Variants in PXDNL observed in about 807,000 individuals in gnomAD.
PXDNL encodes the protein probable oxidoreductase PXDNL.
A neutral mutation model predicts 150.8 loss-of-function variants in PXDNL; 145 were observed. The observed-to-expected ratio is 0.96, with a 90% CI of 0.84 to 1.10. The LOEUF is 1.10. Ranked by LOEUF, PXDNL falls within the 50% of genes least tolerant of loss-of-function variation. The pLI is 0.00. For synonymous variants in PXDNL, 757 were observed against 725.7 expected, an observed-to-expected ratio of 1.04 and a Z score of -0.69; for missense variants, 2,087 against 1,873.9, an observed-to-expected ratio of 1.11 and a Z score of -2.10.
intron 17 of PXDNL, among the ~76,000 whole-genome samples, chr8:51,405,242 G>A (rs1290378179): frequency 1.3e-5 from 2 of 152,238 alleles, no homozygotes; most frequent in Non-Finnish European, 2.9e-5. Context: ...CAACCGCGGG[G>A]TGAAGGGCTC....
chr8:51,388,265 T>G (rs1807785224), intron 17 of PXDNL, among the ~76,000 whole-genome samples: 1 of 152,212 alleles, frequency 6.6e-6, no homozygotes, highest in African/African-American at 2.4e-5. Context: ...TCAAGCTATC[T>G]TTATAAAAAC....
intron 7 of PXDNL, among the ~76,000 whole-genome samples, chr8:51,473,032 T>C (rs754938236): frequency 6.6e-6 from 1 of 152,324 alleles, no homozygotes; most frequent in East Asian, 1.9e-4. Flanking sequence ...ATGACTATTA[T>C]GTCTGTAGAA....
intron 8 of PXDNL, among the ~76,000 whole-genome samples, chr8:51,466,563 G>C (rs553798195): frequency 1.3e-5 from 2 of 152,222 alleles, no homozygotes; most frequent in East Asian, 1.9e-4. Flanking sequence ...TTAAACTAAA[G>C]AGCTTCTGCA....
At chr8:51,447,472 AC>A (rs1371641305) in intron 11 of PXDNL, among the ~76,000 whole-genome samples, 7 of 152,284 alleles carry the variant, frequency 4.6e-5, no homozygotes, top group African/African-American at 1.7e-4. Context: ...AAATTTCAAA[AC>A]CAATCTGATT....
chr8:51,621,656 C>T (rs1272433955), intron 2 of PXDNL, among the ~76,000 whole-genome samples: 7 of 151,984 alleles, frequency 4.6e-5, no homozygotes, highest in Non-Finnish European at 1.0e-4. Flanking sequence ...AGTAATTTTG[C>T]AGGCCGAGTG....
chr8:51,466,851 T>C (rs1440403241), intron 8 of PXDNL, among the ~76,000 whole-genome samples: 2 of 152,170 alleles, frequency 1.3e-5, no homozygotes, highest in Non-Finnish European at 2.9e-5. Context: ...TAATATGCCA[T>C]CTAGCACCTG....
At chr8:51,779,814 C>T (rs1170220884) in intron 1 of PXDNL, among the ~76,000 whole-genome samples, 1 of 152,202 alleles carries the variant, frequency 6.6e-6, no homozygotes, top group African/African-American at 2.4e-5. Context: ...AAACACAAGG[C>T]AGGCAGGGAC....
At chr8:51,387,381 A>AT (rs1807750487) in intron 17 of PXDNL, among the ~76,000 whole-genome samples, 3 of 152,166 alleles carry the variant, frequency 2.0e-5, no homozygotes, top group Admixed American at 6.5e-5. Flanking sequence ...AGGAGGTCTC[A>AT]TTTTGTATGC....
chr8:51,680,824 A>G (rs1815731695), intron 1 of PXDNL, among the ~76,000 whole-genome samples: 2 of 152,182 alleles, frequency 1.3e-5, no homozygotes, highest in African/African-American at 4.8e-5. Context: ...ACTGTTGTGA[A>G]GATATGTGAT....
At chr8:51,422,388 A>C (rs117814276) in intron 14 of PXDNL, among the ~76,000 whole-genome samples, 2 of 152,234 alleles carry the variant, frequency 1.3e-5, no homozygotes, top group Non-Finnish European at 2.9e-5. Flanking sequence ...CCACTGACCT[A>C]GGCAAAATAA....
chr8:51,614,209 C>T (rs1814083497), intron 2 of PXDNL, among the ~76,000 whole-genome samples: 1 of 152,226 alleles, frequency 6.6e-6, no homozygotes, highest in African/African-American at 2.4e-5. Flanking sequence ...TTCCATTACT[C>T]TACCGATTAT....
chr8:51,458,482 A>G (rs1809988475), intron 8 of PXDNL, among the ~76,000 whole-genome samples: 1 of 152,228 alleles, frequency 6.6e-6, no homozygotes, highest in Admixed American at 6.5e-5. Context: ...AGATTTTCAC[A>G]TGTGTACACT....
intron 1 of PXDNL, among the ~76,000 whole-genome samples, chr8:51,752,692 C>T (rs1333986725): frequency 1.3e-5 from 2 of 152,062 alleles, no homozygotes; most frequent in East Asian, 3.9e-4. Context: ...TTTCCTAATG[C>T]CCATCTTATT....
At chr8:51,635,529 C>A (rs1814587757) in intron 2 of PXDNL, among the ~76,000 whole-genome samples, 1 of 151,948 alleles carries the variant, frequency 6.6e-6, no homozygotes, top group Non-Finnish European at 1.5e-5. Context: ...GACAATACTA[C>A]TGACTTTATT....
chr8:51,591,078 A>G (rs1231910244), intron 3 of PXDNL, among the ~76,000 whole-genome samples: 1 of 150,412 alleles, frequency 6.6e-6, no homozygotes, highest in East Asian at 1.9e-4. Context: ...TAATGCCATT[A>G]TCATGGGAGT....
At chr8:51,517,742 G>T (rs1477384363) in intron 4 of PXDNL, among the ~76,000 whole-genome samples, 1 of 152,172 alleles carries the variant, frequency 6.6e-6, no homozygotes, top group East Asian at 1.9e-4. Context: ...AGCTTCAGAG[G>T]GAGAGCCGAG....
intron 5 of PXDNL, among the ~76,000 whole-genome samples, chr8:51,494,168 T>A (rs1463514112): frequency 6.6e-6 from 1 of 152,064 alleles, no homozygotes; most frequent in African/African-American, 2.4e-5. Context: ...GAATTTCATA[T>A]CCAGCCAAAC....
intron 17 of PXDNL, among the ~76,000 whole-genome samples, chr8:51,396,091 G>A (rs567537307): frequency 2.5e-4 from 38 of 152,310 alleles, no homozygotes; most frequent in South Asian, 6.2e-4. Context: ...TCTATAGATC[G>A]GCAATAAACA....
intron 1 of PXDNL, among the ~76,000 whole-genome samples, chr8:51,660,192 C>G (rs5000162): frequency 0.66 from 100,335 of 151,410 alleles, 33,721 homozygotes; most frequent in Non-Finnish European, 0.72. Context: ...GCCCAGCCCA[C>G]AATTTAAGAT....
Sources: allele counts gnomAD v4.1 joint callset (sites outside exome capture counted in the v4.1 genomes callset), GRCh38; gene constraint gnomAD v4.1.1; transcripts MANE v1.5; gene names NCBI Gene and HGNC (gene_info 2026-07-23, HGNC 2026-07-21).